The following ASTN1 variants were observed in gnomAD, a reference collection of about 807,000 sequenced individuals.
ASTN1 encodes astrotactin 1.
ASTN1 carries 41 observed loss-of-function variants against 140.7 expected under a neutral mutation model. The ratio of observed to expected loss-of-function variants is 0.29; its 90% CI spans 0.23 to 0.38. The LOEUF is 0.38. Among genes scored for constraint, ASTN1 ranks in the 10% least tolerant of loss-of-function variants. ASTN1 has a pLI of 1.00. For missense variants in ASTN1, 1,479 were observed against 1,678.8 expected (o/e 0.88, Z 2.08); for synonymous variants, 640 against 652.2 (o/e 0.98, Z 0.29).
chr1:177,081,506 A>G (rs911436983), intron 1 of ASTN1, among the ~76,000 whole-genome samples: 3 of 152,196 alleles, frequency 2.0e-5, no homozygotes, highest in African/African-American at 4.8e-5. Context: ...TCTTAAGAAG[A>G]AAGCATCAGG....
chr1:177,106,993 C>T (rs1680575301), intron 1 of ASTN1, among the ~76,000 whole-genome samples: 1 of 152,122 alleles, frequency 6.6e-6, no homozygotes, highest in Admixed American at 6.5e-5. Context: ...AGATGGCAGG[C>T]CATGCAGCAG....
chr1:176,883,607 G>A (rs1236179882), intron 19 of ASTN1, among the ~76,000 whole-genome samples: 1 of 152,218 alleles, frequency 6.6e-6, no homozygotes, highest in Admixed American at 6.5e-5. Context: ...CTTGGAAGAA[G>A]CGGTAGGCAG....
At chr1:176,922,396 C>T (rs1670765879) in intron 16 of ASTN1, among the ~76,000 whole-genome samples, 1 of 151,896 alleles carries the variant, frequency 6.6e-6, no homozygotes, top group East Asian at 1.9e-4. Flanking sequence ...TGCCTGACAG[C>T]TCCTTTGCAC....
At chr1:177,121,834 G>A (rs140451271) in intron 1 of ASTN1, among the ~76,000 whole-genome samples, 3 of 152,186 alleles carry the variant, frequency 2.0e-5, no homozygotes, top group Non-Finnish European at 2.9e-5. Flanking sequence ...CAGGGAGGTG[G>A]GTAACATGTG....
chr1:177,023,030 T>TTCTTCTATAAA (rs1361587866), intron 7 of ASTN1, among the ~76,000 whole-genome samples: 6 of 152,230 alleles, frequency 3.9e-5, no homozygotes, highest in Non-Finnish European at 8.8e-5. Flanking sequence ...GATTATCATT[T>TTCTTCTATAAA]TCTTCTATAA....
intron 11 of ASTN1, among the ~76,000 whole-genome samples, 183 bp from the exon 12 acceptor site, chr1:176,949,534 G>A (rs1187655428): frequency 2.0e-5 from 3 of 152,082 alleles, no homozygotes; most frequent in African/African-American, 7.2e-5. Flanking sequence ...CTTTTTTGAC[G>A]TCTTTCTTCT....
intron 1 of ASTN1, among the ~76,000 whole-genome samples, chr1:177,137,246 A>G (rs1402640): frequency 0.16 from 24,598 of 152,152 alleles, 4,085 homozygotes; most frequent in African/African-American, 0.43. Context: ...AAGACAGGAG[A>G]AAGGATCAAG....
chr1:176,890,094 A>G (rs948642357), intron 17 of ASTN1, among the ~76,000 whole-genome samples: 1 of 152,238 alleles, frequency 6.6e-6, no homozygotes. Context: ...GTGAAGCATT[A>G]AGGATACGAG....
chr1:177,000,717 A>G (rs1046283280), intron 8 of ASTN1, among the ~76,000 whole-genome samples: 2 of 152,248 alleles, frequency 1.3e-5, no homozygotes, highest in African/African-American at 4.8e-5. Flanking sequence ...AATGCAAGTT[A>G]CAGGAAAACA....
intron 17 of ASTN1, among the ~76,000 whole-genome samples, chr1:176,889,512 C>T (rs536497179): frequency 2.0e-5 from 3 of 152,256 alleles, no homozygotes; most frequent in Admixed American, 2.0e-4. Flanking sequence ...AAACGGAAAA[C>T]AGGAGATAAC....
chr1:177,072,621 TC>T, intron 1 of ASTN1, among the ~76,000 whole-genome samples: 1 of 152,314 alleles, frequency 6.6e-6, no homozygotes, highest in African/African-American at 2.4e-5. Flanking sequence ...CAGAACAGTT[TC>T]TTTATTATTG....
chr1:176,897,330 A>G (rs1200744388), intron 16 of ASTN1, among the ~76,000 whole-genome samples: 1 of 151,884 alleles, frequency 6.6e-6, no homozygotes, highest in Non-Finnish European at 1.5e-5. Context: ...CCCCCACCAA[A>G]AAAAAATCAG....
intron 8 of ASTN1, among the ~76,000 whole-genome samples, chr1:177,003,565 C>A (rs1456662801): frequency 6.6e-6 from 1 of 152,148 alleles, no homozygotes; most frequent in South Asian, 2.1e-4. Context: ...AATCCCAGCA[C>A]CTTGGAAGGC....
chr1:176,959,609 A>G (rs1364735813), intron 9 of ASTN1, among the ~76,000 whole-genome samples: 2 of 152,150 alleles, frequency 1.3e-5, no homozygotes, highest in Non-Finnish European at 2.9e-5. Flanking sequence ...GCCAAGCCAC[A>G]TGATTTCTGC....
chr1:176,961,229 T>C (rs945121666), intron 9 of ASTN1, among the ~76,000 whole-genome samples: 3 of 152,218 alleles, frequency 2.0e-5, no homozygotes, highest in Non-Finnish European at 1.5e-5. Flanking sequence ...TTATCCTCCA[T>C]GTAGAGCAGG....
intron 1 of ASTN1, among the ~76,000 whole-genome samples, chr1:177,146,828 T>C (rs909102656): frequency 6.6e-6 from 1 of 152,180 alleles, no homozygotes; most frequent in Admixed American, 6.5e-5. Context: ...TCAGTTGTTC[T>C]TTCAAGTAAA....
At chr1:177,018,270 G>C (rs1675654997) in intron 7 of ASTN1, among the ~76,000 whole-genome samples, 2 of 152,150 alleles carry the variant, frequency 1.3e-5, no homozygotes, top group South Asian at 4.1e-4. Flanking sequence ...TGTAGCATGT[G>C]TTAGCAATCC....
intron 20 of ASTN1, 111 bp from the exon 21 acceptor site, chr1:176,876,748 G>T: frequency 9.9e-7 from 1 of 1,012,676 alleles, no homozygotes; most frequent in Non-Finnish European, 1.5e-6. Context: ...TATGGACCCA[G>T]ATACTCTCGT....
chr1:176,995,338 G>A (rs368229780), intron 8 of ASTN1, among the ~76,000 whole-genome samples: 1 of 152,292 alleles, frequency 6.6e-6, no homozygotes, highest in African/African-American at 2.4e-5. Context: ...GATATGCAAG[G>A]ATGTCACAGG....
Sources: allele counts gnomAD v4.1 joint callset (sites outside exome capture counted in the v4.1 genomes callset), GRCh38; gene constraint gnomAD v4.1.1; transcripts MANE v1.5; gene names NCBI Gene and HGNC (gene_info 2026-07-23, HGNC 2026-07-21).